Variants in ANO3 observed in about 807,000 individuals in gnomAD.
ANO3 encodes anoctamin-3.
ANO3 carries 99 observed loss-of-function variants against 144.8 expected under a neutral mutation model. The ratio of observed to expected loss-of-function variants is 0.68; its 90% CI spans 0.58 to 0.81. The LOEUF (loss-of-function observed/expected upper bound fraction) is 0.81. Among genes scored for constraint, ANO3 ranks in the 30% least tolerant of loss-of-function variants. The pLI is 0.00. For missense variants in ANO3, 905 were observed against 1,202.2 expected (o/e 0.75, Z 3.66); for synonymous variants, 414 against 392.6 (o/e 1.05, Z -0.64).
upstream of ANO3, among the ~76,000 whole-genome samples, chr11:26,328,214 C>T (rs564501629): frequency 1.6e-4 from 25 of 152,260 alleles, no homozygotes; most frequent in African/African-American, 5.8e-4. Flanking sequence ...CAGGATGAAT[C>T]TACTTAATTC....
intron 13 of ANO3, among the ~76,000 whole-genome samples, chr11:26,557,971 GAA>G (rs1422709611): frequency 6.6e-6 from 1 of 152,160 alleles, no homozygotes; most frequent in African/African-American, 2.4e-5. Flanking sequence ...AGCAAGTTCT[GAA>G]GTCTTCTCTA....
At position 26,450,961 on chromosome 11, in the gene ANO3, A is replaced by G. The variant is rs139891042; in HGVS notation, c.313+7125A>G. On this transcript the variant is annotated intron_variant, in intron 3 of 26. Transcript: ENST00000256737. ...TGTGATCATAATAGTCTGCTATATTATATTGGTCAGTTCCTTTAAGTTTTG... is the reference window on the plus strand; with the variant it reads ...TGTGATCATAATAGTCTGCTATATTGTATTGGTCAGTTCCTTTAAGTTTTG... 1.3e-3 allele frequency among the ~76,000 whole-genome samples: 203 copies of G among 152,354 alleles called. 2 individuals are homozygous for G. The highest frequency in any genetic ancestry group is 4.1e-3 in the African/African-American group (170 of 41,594).
chr11:26,401,339 GT>G (rs1857142090), intron 1 of ANO3, among the ~76,000 whole-genome samples: 2 of 152,002 alleles, frequency 1.3e-5, no homozygotes. Context: ...GTCATTCTCT[GT>G]CATGACCTTA....
In ANO3 at chr11:26,635,045, T is replaced by A. The variant is rs757501341; in HGVS notation, c.2018T>A (p.Leu673His). Residue 673 changes from leucine to histidine, a missense_variant, in exon 20 of 27, where the codon CTT (leucine) becomes CAT (histidine). Physicochemically the swap from Leu to His is moderately conservative, Grantham distance 99. This residue lies in a region of ANO3 where 597 missense variants were observed against 865.1 expected (regional missense o/e 0.69). Coordinates refer to ENST00000256737, the MANE Select transcript of ANO3 (RefSeq NM_031418.4). ...GGCCACCCAGGAAAATACAATAAACTTTTTGACCGGTGGAGACTGGAGGAA... is the reference window on the plus strand; with the variant it reads ...GGCCACCCAGGAAAATACAATAAACATTTTGACCGGTGGAGACTGGAGGAA... ...FVGHPGKYNKLFDRWRLEECH... is the reference protein window; with the variant it reads ...FVGHPGKYNKHFDRWRLEECH... 1 of 1,613,286 alleles carries A rather than the reference T, an allele frequency of 6.2e-7. No homozygotes were observed. Among genetic ancestry groups the A allele is most frequent in the Non-Finnish European group, 8.5e-7 (1 of 1,179,430 alleles).
chr11:26,226,034 G>T (rs1202056774), intron 1 of ANO3, among the ~76,000 whole-genome samples: 1 of 151,960 alleles, frequency 6.6e-6, no homozygotes, highest in Non-Finnish European at 1.5e-5. Flanking sequence ...TTTTTGGGGG[G>T]TTATTCTAGT....
At chr11:26,483,566 G>T (rs1860314125) in intron 4 of ANO3, among the ~76,000 whole-genome samples, 1 of 152,106 alleles carries the variant, frequency 6.6e-6, no homozygotes, top group Non-Finnish European at 1.5e-5. Context: ...TACCATGATT[G>T]TAAGTTTTCT....
At chr11:26,511,995 A>C (rs180978419) in intron 5 of ANO3, among the ~76,000 whole-genome samples, 2 of 152,324 alleles carry the variant, frequency 1.3e-5, no homozygotes, top group Admixed American at 1.3e-4. Flanking sequence ...TAACTTAAGA[A>C]AAATTGGAAG....
At chr11:26,296,722 G>T (rs1048900978) in intron 1 of ANO3, among the ~76,000 whole-genome samples, 2 of 152,164 alleles carry the variant, frequency 1.3e-5, no homozygotes, top group African/African-American at 2.4e-5. Flanking sequence ...AACAGACACT[G>T]ATTTGAAAAG....
At chr11:26,566,884 G>T (rs981976280) in intron 14 of ANO3, among the ~76,000 whole-genome samples, 2 of 151,872 alleles carry the variant, frequency 1.3e-5, no homozygotes, top group African/African-American at 4.8e-5. Flanking sequence ...TCAGAGTGTT[G>T]TTCTGAAGAC....
At chr11:26,376,889 C>T (rs1856427494) in intron 1 of ANO3, among the ~76,000 whole-genome samples, 1 of 152,054 alleles carries the variant, frequency 6.6e-6, no homozygotes, top group Admixed American at 6.6e-5. Flanking sequence ...TTATAGGAGC[C>T]ATGCAAAGCA....
At chr11:26,621,623 A>G (rs1852418312) in intron 17 of ANO3, among the ~76,000 whole-genome samples, 1 of 151,732 alleles carries the variant, frequency 6.6e-6, no homozygotes, top group Admixed American at 6.6e-5. Flanking sequence ...AGCACTTTTC[A>G]CCTCCTGACC....
chr11:26,227,225 G>A (rs1852274891), intron 1 of ANO3, among the ~76,000 whole-genome samples: 1 of 151,956 alleles, frequency 6.6e-6, no homozygotes, highest in Non-Finnish European at 1.5e-5. Flanking sequence ...CTTCTACTTT[G>A]GGCTATTGTG....
chr11:26,431,166 G>A lies in ANO3; in HGVS notation c.47-10752G>A, dbSNP rs1285520253. On this transcript the variant is annotated intron_variant, in intron 1 of 26. Transcript: ENST00000256737. ...AATTTAAAGTTAAAAGACCTTATGT[G>A]ACTGATTGTTATTGTACTGGGCAGT... 2.6e-5 allele frequency among the ~76,000 whole-genome samples: 4 copies of A among 152,292 alleles called. No individual in the cohort carries two copies. The East Asian group carries it at 5.8e-4, about 22-fold the overall frequency.
chr11:26,599,142 C>CA, intron 16 of ANO3, 144 bp downstream of exon 16: 1 of 846,732 alleles, frequency 1.2e-6, no homozygotes, highest in South Asian at 1.7e-5. Flanking sequence ...ATTAAACAAA[C>CA]AAATCACAAC....
intron 4 of ANO3, among the ~76,000 whole-genome samples, chr11:26,502,907 T>A (rs1183564746): frequency 6.6e-6 from 1 of 151,598 alleles, no homozygotes; most frequent in Non-Finnish European, 1.5e-5. Flanking sequence ...TGCTCTAATC[T>A]TATTTAAAGA....
chr11:26,560,872 C>T (rs1408922533), intron 14 of ANO3: 1 of 508,616 alleles, frequency 2.0e-6, no homozygotes, highest in Non-Finnish European at 3.3e-6. Context: ...CTCAGGATGG[C>T]CAAAAATTGT....
At chr11:26,462,970 T>C (rs1046585513) in intron 3 of ANO3, 60 bp from the exon 4 acceptor site, 1 of 843,996 alleles carries the variant, frequency 1.2e-6, no homozygotes, top group Non-Finnish European at 1.8e-6. Flanking sequence ...GATTAGTATG[T>C]TTAATGAAAA....
At chr11:26,366,263 C>T (rs370125070) in intron 1 of ANO3, among the ~76,000 whole-genome samples, 4 of 152,056 alleles carry the variant, frequency 2.6e-5, no homozygotes, top group Admixed American at 6.6e-5. Context: ...TTTGTCCTTG[C>T]GATAGTTGGC....
rs150393607 is a variant in ANO3 at position 26,643,319 on chromosome 11, C to T, written c.2413C>T (p.Arg805Ter). The part of the protein sequence containing the change: ...VTQWRRPLPA[R>*]ATDIGIWLGI... Reference sequence around the variant, plus strand: ...TCAATGGCGGAGGCCTTTGCCAGCCCGAGCAACTGACATAGGTAAGATTCG... The same window carrying T: ...TCAATGGCGGAGGCCTTTGCCAGCCTGAGCAACTGACATAGGTAAGATTCG... Residue 805 changes from arginine to a stop codon, truncating the protein, a stop_gained, in exon 23 of 27, where the codon CGA (arginine) becomes TGA (stop). Coordinates refer to ENST00000256737, the MANE Select transcript of ANO3 (RefSeq NM_031418.4). LOFTEE classifies it high-confidence loss of function. 8.1e-6 allele frequency: 13 copies of T among 1,613,934 alleles called. No individual in the cohort carries two copies. The highest frequency in any genetic ancestry group is 4.5e-5 in the East Asian group (2 of 44,866).
Sources: allele counts gnomAD v4.1 joint callset (sites outside exome capture counted in the v4.1 genomes callset), GRCh38; gene constraint gnomAD v4.1.1; regional missense constraint gnomAD v4.1.1; transcripts MANE v1.5; gene names NCBI Gene and HGNC (gene_info 2026-07-23, HGNC 2026-07-21).